Variants in PSD3 observed in about 807,000 individuals in gnomAD.
The protein encoded by PSD3 is pleckstrin and Sec7 domain containing 3.
In PSD3, 49 loss-of-function variants were observed where a neutral mutation model predicts 105.5. The observed-to-expected ratio is 0.46, with a 90% confidence interval of 0.37 to 0.59. The LOEUF (loss-of-function observed/expected upper bound fraction) is 0.59, where lower values mean the gene tolerates loss of function less well. Among genes scored for constraint, PSD3 ranks in the 20% least tolerant of loss-of-function variants. The pLI is 0.00. For missense variants in PSD3, 1,561 were observed against 1,263.8 expected, an observed-to-expected ratio of 1.24 and a Z score of -3.57; for synonymous variants, 557 against 457.8, an observed-to-expected ratio of 1.22 and a Z score of -2.77.
At chr8:18,935,325 C>A (rs1427695157) in intron 2 of PSD3, among the ~76,000 whole-genome samples, 2 of 151,914 alleles carry the variant, frequency 1.3e-5, no homozygotes, top group Non-Finnish European at 2.9e-5. Flanking sequence ...GTAAAGACTG[C>A]AGTGGCTGAA....
At chr8:18,818,335 A>G (rs756367285) in intron 4 of PSD3, among the ~76,000 whole-genome samples, 1 of 151,426 alleles carries the variant, frequency 6.6e-6, no homozygotes, top group Non-Finnish European at 1.5e-5. Flanking sequence ...CATTTATTAT[A>G]TTTTAAAGTA....
At chr8:18,902,280 C>A (rs1228399062) in intron 2 of PSD3, among the ~76,000 whole-genome samples, 1 of 152,122 alleles carries the variant, frequency 6.6e-6, no homozygotes, top group African/African-American at 2.4e-5. Context: ...TATTGAAGGT[C>A]TCTGCTGTAT....
Position 18,867,721 on chromosome 8 carries a change from G to T in PSD3, c.1587C>A (p.Ser529Arg). Residue 529 changes from serine (S) to arginine (R), a missense_variant, in exon 4 of 16, where the codon AGC becomes AGA. Coordinates refer to ENST00000327040, the MANE Select transcript of PSD3 (RefSeq NM_015310.4). Reference protein sequence around the residue: ...SGVTNGLNDASDSIYTKGTPE... With the variant: ...SGVTNGLNDARDSIYTKGTPE... Reference sequence around the variant, plus strand: ...GGGTGCCTTTCGTGTAGATGGAGTCGCTGGCATCATTCAGCCCATTGGTGA... The same window carrying T: ...GGGTGCCTTTCGTGTAGATGGAGTCTCTGGCATCATTCAGCCCATTGGTGA... The T allele has an allele frequency of 6.2e-7, 1 of 1,613,956 alleles. No individual in the cohort carries two copies. The highest frequency in any genetic ancestry group is 1.1e-5 in the South Asian group (1 of 91,054).
chr8:18,903,420 G>C (rs116910465), intron 2 of PSD3, among the ~76,000 whole-genome samples: 470 of 152,218 alleles, frequency 3.1e-3, no homozygotes, highest in Middle Eastern at 0.024. Flanking sequence ...GTTTTTTGCA[G>C]CATGGTGGGG....
At chr8:18,985,751 T>C (rs1485996218) in intron 1 of PSD3, among the ~76,000 whole-genome samples, 1 of 152,178 alleles carries the variant, frequency 6.6e-6, no homozygotes, top group African/African-American at 2.4e-5. Context: ...AATCATTTTT[T>C]AAGTTGTAAT....
chr8:18,732,614 T>C (rs1205253517), intron 9 of PSD3, among the ~76,000 whole-genome samples: 1 of 152,194 alleles, frequency 6.6e-6, no homozygotes, highest in Non-Finnish European at 1.5e-5. Flanking sequence ...TCCAGCAGGA[T>C]ATCTTGAGCT....
intron 9 of PSD3, among the ~76,000 whole-genome samples, chr8:18,679,740 G>C (rs1182707387): frequency 6.6e-6 from 1 of 152,192 alleles, no homozygotes. Flanking sequence ...TCCTGACTGA[G>C]AAACCAACAG....
intron 6 of PSD3, 137 bp downstream of exon 6, chr8:18,804,385 T>C (rs1778261822): frequency 2.7e-6 from 2 of 748,200 alleles, no homozygotes. Context: ...GACCCAAACA[T>C]TTTGGAGAAG....
chr8:18,728,037 A>C lies in PSD3; in HGVS notation c.2172+37412T>G, dbSNP rs77762584. ...GACTGGACCCTTAAATATTTGCTGA[A>C]TGAATGAATGATTTTATGAAAAACA... On this transcript the variant is annotated intron_variant, in intron 9 of 15. Coordinates refer to ENST00000327040, the MANE Select transcript of PSD3 (RefSeq NM_015310.4). 5.3e-3 allele frequency among the ~76,000 whole-genome samples: 806 copies of C among 152,194 alleles called. 10 individuals carry two copies. The highest frequency in any genetic ancestry group is 0.019 in the African/African-American group (783 of 41,506).
intron 9 of PSD3, among the ~76,000 whole-genome samples, chr8:18,702,596 CTATAGG>C (rs1417844091): frequency 6.6e-6 from 1 of 151,870 alleles, no homozygotes; most frequent in Admixed American, 6.6e-5. Context: ...TCTCTTCTAG[CTATAGG>C]TACTCTTTCT....
At chr8:18,904,224 T>G in intron 2 of PSD3, among the ~76,000 whole-genome samples, 1 of 152,180 alleles carries the variant, frequency 6.6e-6, no homozygotes, top group Non-Finnish European at 1.5e-5. Flanking sequence ...CAACTAGGTC[T>G]TATATAAACT....
intron 9 of PSD3, among the ~76,000 whole-genome samples, chr8:18,706,454 G>A (rs986090381): frequency 2.0e-5 from 3 of 152,152 alleles, no homozygotes; most frequent in Admixed American, 6.5e-5. Flanking sequence ...AAACTAAAAG[G>A]AATTGATTCT....
chr8:18,837,210 G>A (rs972702490), intron 4 of PSD3, among the ~76,000 whole-genome samples: 1 of 152,092 alleles, frequency 6.6e-6, no homozygotes, highest in Non-Finnish European at 1.5e-5. Context: ...GACAGTATAA[G>A]ATAGACAGCG....
At chr8:18,922,475 T>C (rs1821086223) in intron 2 of PSD3, among the ~76,000 whole-genome samples, 1 of 152,172 alleles carries the variant, frequency 6.6e-6, no homozygotes, top group Admixed American at 6.5e-5. Context: ...CTTTTCCTAT[T>C]CTCTCACTCA....
intron 8 of PSD3, among the ~76,000 whole-genome samples, chr8:18,788,481 T>G (rs1809394954): frequency 6.6e-6 from 1 of 152,120 alleles, no homozygotes; most frequent in African/African-American, 2.4e-5. Flanking sequence ...AAATCAGCCC[T>G]AGGAGAGCTG....
intron 1 of PSD3, among the ~76,000 whole-genome samples, chr8:19,063,705 G>A (rs887259308): frequency 1.3e-5 from 2 of 152,214 alleles, no homozygotes; most frequent in Admixed American, 6.5e-5. Context: ...GTGTGGTAGT[G>A]CGTCAGAACT....
At chr8:18,882,773 T>C (rs1381535888) in intron 2 of PSD3, among the ~76,000 whole-genome samples, 2 of 151,998 alleles carry the variant, frequency 1.3e-5, no homozygotes, top group Non-Finnish European at 2.9e-5. Context: ...CATATATAGC[T>C]AATACCTACC....
chr8:18,755,673 T>C (rs1805976835), intron 9 of PSD3, among the ~76,000 whole-genome samples: 1 of 152,030 alleles, frequency 6.6e-6, no homozygotes, highest in Non-Finnish European at 1.5e-5. Context: ...TCCTTTTTTC[T>C]TTTTTTGGGG....
chr8:18,879,653 A>G (rs1268269896), intron 2 of PSD3, among the ~76,000 whole-genome samples: 8 of 152,174 alleles, frequency 5.3e-5, no homozygotes, highest in Admixed American at 5.2e-4. Context: ...CAGTGGCACC[A>G]TCATAGCTCA....
Sources: allele counts gnomAD v4.1 joint callset (sites outside exome capture counted in the v4.1 genomes callset), GRCh38; gene constraint gnomAD v4.1.1; transcripts MANE v1.5; gene names NCBI Gene and HGNC (gene_info 2026-07-23, HGNC 2026-07-21).